Variants in UACA observed in about 807,000 individuals in gnomAD.
The protein encoded by UACA is uveal autoantigen with coiled-coil domains and ankyrin repeats.
A neutral mutation model predicts 160.5 loss-of-function variants in UACA; 112 were observed. The ratio of observed to expected loss-of-function variants is 0.70; its 90% confidence interval spans 0.60 to 0.82. The LOEUF (loss-of-function observed/expected upper bound fraction) is 0.82. Among genes scored for constraint, UACA ranks in the 40% least tolerant of loss-of-function variants. The probability of loss-of-function intolerance (pLI) is 0.00; values close to 1 mark genes in which losing one functional copy is unlikely to be tolerated. For missense variants in UACA, 1,574 were observed against 1,614.6 expected (o/e 0.97, Z 0.43); for synonymous variants, 557 against 568.4 (o/e 0.98, Z 0.29).
intron 1 of UACA, among the ~76,000 whole-genome samples, chr15:70,699,992 G>T (rs1329149081): frequency 6.6e-6 from 1 of 151,950 alleles, no homozygotes. Context: ...AGGCACTAAA[G>T]TCCCAATCAA....
intron 1 of UACA, among the ~76,000 whole-genome samples, chr15:70,715,460 G>A (rs954099219): frequency 6.6e-6 from 1 of 152,050 alleles, no homozygotes; most frequent in African/African-American, 2.4e-5. Flanking sequence ...AAATAGGTTC[G>A]CTACAACTCA....
intron 8 of UACA, among the ~76,000 whole-genome samples, chr15:70,683,530 A>G (rs1483987481): frequency 2.0e-5 from 3 of 152,260 alleles, no homozygotes; most frequent in Non-Finnish European, 4.4e-5. Flanking sequence ...GCATAAGGAC[A>G]GTCATAACCT....
intron 1 of UACA, among the ~76,000 whole-genome samples, chr15:70,729,130 A>G (rs1468038813): frequency 6.6e-6 from 1 of 152,216 alleles, no homozygotes; most frequent in East Asian, 1.9e-4. Context: ...CAGTTTGGAG[A>G]TTTCTCAAAG....
intron 1 of UACA, among the ~76,000 whole-genome samples, chr15:70,707,207 T>C (rs560220011): frequency 5.9e-5 from 9 of 152,132 alleles, no homozygotes; most frequent in Non-Finnish European, 1.3e-4. Context: ...CTCAACAGTG[T>C]TGGGAAAACT....
At chr15:70,723,791 C>G (rs1481836574) in intron 1 of UACA, among the ~76,000 whole-genome samples, 2 of 152,048 alleles carry the variant, frequency 1.3e-5, no homozygotes, top group Non-Finnish European at 2.9e-5. Context: ...TGCCACCACA[C>G]CCGGCTAATT....
intron 1 of UACA, among the ~76,000 whole-genome samples, chr15:70,747,519 C>T (rs1308906828): frequency 6.6e-6 from 1 of 152,034 alleles, no homozygotes; most frequent in East Asian, 1.9e-4. Flanking sequence ...ACAAACACAC[C>T]TGGCTAATTT....
intron 7 of UACA, among the ~76,000 whole-genome samples, chr15:70,685,656 T>C (rs140718698): frequency 5.1e-4 from 78 of 152,356 alleles, no homozygotes; most frequent in African/African-American, 1.8e-3. Flanking sequence ...CCTGCTTCAT[T>C]GGCTTTTTGT....
chr15:70,741,014 G>A (rs369020055), intron 1 of UACA, among the ~76,000 whole-genome samples: 2 of 151,652 alleles, frequency 1.3e-5, no homozygotes, highest in South Asian at 2.1e-4. Context: ...ACTGCAGCCT[G>A]GGCAAAAGTG....
At chr15:70,716,034 A>G (rs1898811651) in intron 1 of UACA, among the ~76,000 whole-genome samples, 1 of 152,160 alleles carries the variant, frequency 6.6e-6, no homozygotes, top group African/African-American at 2.4e-5. Context: ...GCCCTTTGCA[A>G]TGTGATTGTG....
At chr15:70,721,624 C>T (rs1336436487) in intron 1 of UACA, among the ~76,000 whole-genome samples, 1 of 137,228 alleles carries the variant, frequency 7.3e-6, no homozygotes, top group African/African-American at 3.0e-5. Context: ...GAGACTCCAT[C>T]TTAAAAAAAA....
intron 1 of UACA, among the ~76,000 whole-genome samples, chr15:70,749,698 C>CAAAAAAAAAAAAAAAAAAAAAAAAAAAA: frequency 1.4e-5 from 1 of 70,046 alleles, no homozygotes; most frequent in African/African-American, 5.2e-5. Context: ...GACTCCGTCT[C>CAAAAAAAAAAAAAAAAAAAAAAAAAAAA]AAAAAAAAAA....
chr15:70,654,754 G>T lies in UACA; in HGVS notation c.*2302C>A, dbSNP rs1341461952. On this transcript the variant is annotated 3_prime_UTR_variant, in exon 19 of 19. Transcript: ENST00000322954. ...CTCAGAGAGCACTCATTACATCTTA[G>T]ACAACGTCACTCTTCTTTCCTCTTG... 6.6e-6 allele frequency: 1 copy of T among 152,086 alleles called. No homozygotes were observed. The highest frequency in any genetic ancestry group is 1.5e-5 in the Non-Finnish European group (1 of 68,036). The allele number at this position is 152,086 out of a possible 1,614,324, so 9.4% of individuals were successfully genotyped here.
chr15:70,665,344 ACC>A (rs1231825091), intron 16 of UACA, among the ~76,000 whole-genome samples: 5 of 152,196 alleles, frequency 3.3e-5, no homozygotes, highest in African/African-American at 1.2e-4. Flanking sequence ...GCATTTTTCC[ACC>A]CTGCTTTAAA....
intron 1 of UACA, among the ~76,000 whole-genome samples, chr15:70,759,766 G>GT (rs1491302858): frequency 6.7e-6 from 1 of 149,056 alleles, no homozygotes; most frequent in Non-Finnish European, 1.5e-5. Context: ...CACAAATGTA[G>GT]TTTATCCAGA....
Position 70,671,108 on chromosome 15 carries a change from G to A in UACA, c.1169-17C>T, listed in dbSNP as rs759203136. On this transcript the variant is annotated splice_polypyrimidine_tract_variant and intron_variant, in intron 14 of 18. Coordinates refer to ENST00000322954, the MANE Select transcript of UACA (RefSeq NM_018003.4). ...CTTCTTTTCCTAAATAAATGCAAAT[G>A]AATGACATTTTAACTTCAATATCCA... 6.4e-7 allele frequency: 1 copy of A among 1,561,686 alleles called. No individual in the cohort carries two copies. Among genetic ancestry groups the A allele is most frequent in the East Asian group, 2.3e-5 (1 of 44,056 alleles).
At chr15:70,763,215 C>T in intron 1 of UACA, 115 bp downstream of exon 1, 2 of 1,171,898 alleles carry the variant, frequency 1.7e-6, no homozygotes, top group Non-Finnish European at 2.2e-6. Flanking sequence ...CCAGGGCCGC[C>T]GAAGCCGAAC....
chr15:70,746,895 A>C (rs568749672), intron 1 of UACA, among the ~76,000 whole-genome samples: 1 of 152,076 alleles, frequency 6.6e-6, no homozygotes, highest in South Asian at 2.1e-4. Flanking sequence ...AGAAAACCAA[A>C]CACCACATGT....
At chr15:70,694,881 T>C in intron 3 of UACA, 136 bp downstream of exon 3, 2 of 744,354 alleles carry the variant, frequency 2.7e-6, no homozygotes, top group East Asian at 2.8e-5. Flanking sequence ...AAGTAAACTC[T>C]TTCTCAACTA....
chr15:70,777,149 G>A, the UACA span, among the ~76,000 whole-genome samples: 2 of 152,280 alleles, frequency 1.3e-5, no homozygotes, highest in African/African-American at 4.8e-5. Flanking sequence ...AAATTAATGC[G>A]AAATGTGAGA....
Sources: gnomAD v4.1 joint callset for allele counts (sites outside exome capture counted in the v4.1 genomes callset) on GRCh38, gnomAD v4.1.1 for gene constraint, MANE v1.5 for transcripts, NCBI Gene and HGNC (gene_info 2026-07-23, HGNC 2026-07-21) for gene names.